PARD3B: variants seen among roughly 807,000 people sequenced by gnomAD.
The protein encoded by PARD3B is par-3 family cell polarity regulator beta, also known as partitioning defective 3 homolog B.
Under a neutral mutation model 130.2 loss-of-function variants are expected in PARD3B, and 103 were observed. The ratio of observed to expected loss-of-function variants is 0.79; its 90% CI spans 0.67 to 0.93. The LOEUF (loss-of-function observed/expected upper bound fraction) is 0.93, where lower values mean the gene tolerates loss of function less well. Ranked by LOEUF, PARD3B falls within the 40% of genes least tolerant of loss-of-function variation. The pLI is 0.00. For missense variants in PARD3B, 1,609 were observed against 1,499.2 expected (o/e 1.07, Z -1.21); for synonymous variants, 583 against 553.2 (o/e 1.05, Z -0.76).
intron 20 of PARD3B, among the ~76,000 whole-genome samples, chr2:205,464,067 G>A (rs1575086103): frequency 6.6e-6 from 1 of 151,996 alleles, no homozygotes; most frequent in East Asian, 1.9e-4. Flanking sequence ...AAGAATTGCA[G>A]TATATTGTTT....
intron 2 of PARD3B, among the ~76,000 whole-genome samples, chr2:204,883,448 TA>T (rs2046144072): frequency 2.8e-5 from 3 of 106,024 alleles, no homozygotes; most frequent in South Asian, 2.5e-4. Flanking sequence ...TATATATATA[TA>T]TATATATTTT....
At chr2:205,240,651 T>G (rs192370894) in intron 15 of PARD3B, among the ~76,000 whole-genome samples, 2 of 152,300 alleles carry the variant, frequency 1.3e-5, no homozygotes, top group Admixed American at 1.3e-4. Context: ...GATAGCAATA[T>G]ACAATCTTCT....
At chr2:204,940,058 A>G (rs568890765) in intron 2 of PARD3B, among the ~76,000 whole-genome samples, 26 of 152,366 alleles carry the variant, frequency 1.7e-4, no homozygotes, top group African/African-American at 6.0e-4. Context: ...CCTTTTGGAA[A>G]AATATTCATA....
intron 3 of PARD3B, among the ~76,000 whole-genome samples, chr2:204,980,856 G>A (rs962522938): frequency 1.3e-5 from 2 of 152,120 alleles, no homozygotes; most frequent in Non-Finnish European, 2.9e-5. Context: ...ACTGGATCCT[G>A]GAACAGAAAA....
At chr2:205,356,781 C>G (rs2044207813) in intron 18 of PARD3B, among the ~76,000 whole-genome samples, 1 of 151,540 alleles carries the variant, frequency 6.6e-6, no homozygotes, top group Admixed American at 6.6e-5. Flanking sequence ...ATCCCAGCTA[C>G]TTGGGAGGCT....
intron 2 of PARD3B, among the ~76,000 whole-genome samples, chr2:204,793,123 T>C (rs1553524361): frequency 6.6e-6 from 1 of 152,214 alleles, no homozygotes; most frequent in Non-Finnish European, 1.5e-5. Flanking sequence ...AGACTGACTT[T>C]GACAGTGATT....
chr2:204,781,032 C>G (rs1392410956), intron 2 of PARD3B, among the ~76,000 whole-genome samples: 1 of 152,134 alleles, frequency 6.6e-6, no homozygotes, highest in Non-Finnish European at 1.5e-5. Flanking sequence ...CAGGTAAAGT[C>G]CCCTTTGGAG....
At chr2:205,471,131 A>C (rs551612474) in intron 20 of PARD3B, among the ~76,000 whole-genome samples, 1 of 152,204 alleles carries the variant, frequency 6.6e-6, no homozygotes, top group African/African-American at 2.4e-5. Context: ...GTGAGTTTCA[A>C]ATACTGGGAG....
At chr2:204,739,976 A>T (rs1324100801) in intron 2 of PARD3B, among the ~76,000 whole-genome samples, 1 of 151,050 alleles carries the variant, frequency 6.6e-6, no homozygotes, top group African/African-American at 2.4e-5. Flanking sequence ...TATTCCCTAA[A>T]CTTTAATTCT....
chr2:205,213,519 G>A (rs746302357), intron 15 of PARD3B, among the ~76,000 whole-genome samples: 12 of 152,114 alleles, frequency 7.9e-5, no homozygotes, highest in Non-Finnish European at 5.9e-5. Context: ...CAGAAACCCC[G>A]TGGACCACGA....
In PARD3B at chr2:204,809,771, C is replaced by T. The variant is rs548970251; in HGVS notation, c.222+123489C>T. 8.9e-4 allele frequency among the ~76,000 whole-genome samples: 136 copies of T among 152,152 alleles called. 1 individual carries two copies. Among genetic ancestry groups the T allele is most frequent in the African/African-American group, 3.2e-3 (132 of 41,524 alleles). On this transcript the variant is annotated intron_variant, in intron 2 of 22. Transcript: ENST00000406610. ...GTTTTAAAATTGTTGTTTTCTAGTT[C>T]TGTGAAGAATGTCATTGGTAGTTTG... is the stretch of plus-strand genomic sequence containing the variant.
intron 2 of PARD3B, among the ~76,000 whole-genome samples, chr2:204,935,624 C>T (rs1466832594): frequency 6.6e-6 from 1 of 151,770 alleles, no homozygotes; most frequent in African/African-American, 2.4e-5. Flanking sequence ...CACACACACA[C>T]ACCAAATTTT....
At chr2:205,079,838 A>T (rs1575724477) in intron 4 of PARD3B, among the ~76,000 whole-genome samples, 1 of 152,058 alleles carries the variant, frequency 6.6e-6, no homozygotes, top group South Asian at 2.1e-4. Flanking sequence ...TTCTCCATGA[A>T]TTATAAAATC....
chr2:204,602,350 C>G (rs1016725264), intron 1 of PARD3B, among the ~76,000 whole-genome samples: 2 of 151,942 alleles, frequency 1.3e-5, no homozygotes, highest in Non-Finnish European at 2.9e-5. Flanking sequence ...TTTTAATTTT[C>G]AGTCTCTTAA....
At chr2:204,844,307 T>C (rs2044375613) in intron 2 of PARD3B, among the ~76,000 whole-genome samples, 1 of 152,260 alleles carries the variant, frequency 6.6e-6, no homozygotes, top group East Asian at 1.9e-4. Flanking sequence ...TACGATTAAA[T>C]TGTAGCAGGA....
At chr2:204,989,143 C>T (rs1200948895) in intron 3 of PARD3B, among the ~76,000 whole-genome samples, 1 of 152,078 alleles carries the variant, frequency 6.6e-6, no homozygotes, top group Non-Finnish European at 1.5e-5. Flanking sequence ...GGCAGTGTCC[C>T]TTTACCTAAG....
At chr2:205,319,654 G>T (rs2042681666) in intron 18 of PARD3B, among the ~76,000 whole-genome samples, 1 of 152,110 alleles carries the variant, frequency 6.6e-6, no homozygotes, top group Non-Finnish European at 1.5e-5. Context: ...CCCTTCCCCA[G>T]TGATTCTACA....
At chr2:205,037,142 TATATATAAA>T (rs1425226122) in intron 3 of PARD3B, among the ~76,000 whole-genome samples, 34 of 147,264 alleles carry the variant, frequency 2.3e-4, no homozygotes, top group African/African-American at 8.2e-4. Flanking sequence ...TAGCGGACTG[TATATATAAA>T]ACAAATATAC....
In PARD3B at chr2:205,281,787, A is replaced by T. The variant is rs1156763919; in HGVS notation, c.2186-18743A>T. ...TGGGCAGGTTGTCTACATTAAAAGT[A>T]CCTGTTTTTCCATAAAAAAGAGGAA... On this transcript the variant is annotated intron_variant, in intron 16 of 22. Coordinates refer to ENST00000406610, the MANE Select transcript of PARD3B (RefSeq NM_001302769.2). The surrounding 1 kb of genome is among the most constrained non-coding windows in gnomAD (Gnocchi z 4.2). Among the ~76,000 whole-genome samples, 1 of 152,168 alleles carries T rather than the reference A, an allele frequency of 6.6e-6. No homozygotes were observed. The highest frequency in any genetic ancestry group is 1.5e-5 in the Non-Finnish European group (1 of 68,012).
Sources: allele counts gnomAD v4.1 joint callset (sites outside exome capture counted in the v4.1 genomes callset), GRCh38; gene constraint gnomAD v4.1.1; non-coding constraint Gnocchi (gnomAD v3.1); transcripts MANE v1.5; gene names NCBI Gene and HGNC (gene_info 2026-07-23, HGNC 2026-07-21).